SCUBE2: variants seen among roughly 807,000 people sequenced by gnomAD.
The protein encoded by SCUBE2 is signal peptide, CUB and EGF-like domain-containing protein 2.
In SCUBE2, 114 loss-of-function variants were observed where a neutral mutation model predicts 125.9. That is an observed-to-expected ratio of 0.91 (90% CI 0.78 to 1.06). The LOEUF (loss-of-function observed/expected upper bound fraction) is 1.06. SCUBE2 is among the 50% of genes least tolerant of loss of function. SCUBE2 has a pLI of 0.00. For missense variants in SCUBE2, 1,255 were observed against 1,301.8 expected, an observed-to-expected ratio of 0.96 and a Z score of 0.55; for synonymous variants, 459 against 492.9, an observed-to-expected ratio of 0.93 and a Z score of 0.91.
chr11:9,025,130 C>T (rs1263661747), intron 21 of SCUBE2, among the ~76,000 whole-genome samples: 1 of 152,204 alleles, frequency 6.6e-6, no homozygotes, highest in African/African-American at 2.4e-5. Context: ...TGGGCCACCT[C>T]TTCATCTAAC....
intron 20 of SCUBE2, 44 bp downstream of exon 20, chr11:9,027,320 C>T: frequency 6.3e-7 from 1 of 1,597,304 alleles, no homozygotes; most frequent in Non-Finnish European, 8.6e-7. Context: ...GGTCATCAGG[C>T]TTCCCAGCTG....
chr11:9,083,422 T>A (rs573672666), intron 2 of SCUBE2, among the ~76,000 whole-genome samples: 1 of 152,242 alleles, frequency 6.6e-6, no homozygotes, highest in East Asian at 1.9e-4. Context: ...CACAGGGTTA[T>A]GGACTTATAA....
At chr11:9,024,273 G>A in intron 21 of SCUBE2, 2 of 1,082,680 alleles carry the variant, frequency 1.8e-6, no homozygotes, top group Non-Finnish European at 2.3e-6. Flanking sequence ...TTCCAGATAG[G>A]AGAGGTTGCC....
intron 21 of SCUBE2, 172 bp from the exon 22 acceptor site, chr11:9,022,127 CCT>C: frequency 6.9e-6 from 4 of 576,384 alleles, no homozygotes; most frequent in Non-Finnish European, 1.3e-5. Flanking sequence ...CCCACCACCA[CCT>C]CTCTTCACCT....
intron 9 of SCUBE2, among the ~76,000 whole-genome samples, chr11:9,056,701 C>T (rs1859121050): frequency 6.6e-6 from 1 of 152,176 alleles, no homozygotes; most frequent in Non-Finnish European, 1.5e-5. Flanking sequence ...GGGTCTGGCC[C>T]TCAACCTCTT....
At chr11:9,086,384 G>T (rs1306823931) in intron 2 of SCUBE2, among the ~76,000 whole-genome samples, 2 of 152,174 alleles carry the variant, frequency 1.3e-5, no homozygotes, top group Non-Finnish European at 2.9e-5. Flanking sequence ...CAACCCAAAT[G>T]ATACCATAGG....
intron 7 of SCUBE2, among the ~76,000 whole-genome samples, chr11:9,062,946 A>C (rs979744524): frequency 2.6e-5 from 4 of 152,130 alleles, no homozygotes; most frequent in Non-Finnish European, 5.9e-5. Flanking sequence ...GGAGTGAAGA[A>C]ATTTATCAAA....
Position 9,047,927 on chromosome 11 carries a change from C to T in SCUBE2, c.1795+16G>A. The T allele has an allele frequency of 6.3e-7, 1 of 1,597,618 alleles. No individual in the cohort carries two copies. The highest frequency in any genetic ancestry group is 1.1e-5 in the South Asian group (1 of 89,474). ...GCCGTGAGAAGCCTGGCAATGCAGA[C>T]TGTTTTCAAACCAACCTGTCACCTC... On this transcript the variant is annotated intron_variant, in intron 15 of 22. Coordinates refer to ENST00000649792, the MANE Select transcript of SCUBE2 (RefSeq NM_001367977.2).
rs921291453 is a variant in SCUBE2, at chr11:9,058,011, C to T, written c.1090+1292G>A. Among the ~76,000 whole-genome samples the T allele has an allele frequency of 1.4e-3, 212 of 152,308 alleles. 1 individual carries two copies. The highest frequency in any genetic ancestry group is 3.1e-4 in the Non-Finnish European group (21 of 68,034). On this transcript the variant is annotated intron_variant, in intron 9 of 22. Coordinates refer to ENST00000649792, the MANE Select transcript of SCUBE2 (RefSeq NM_001367977.2). ...CTGCTAATACTAACAACAACTGCTA[C>T]CTAGAGAAGTCTCCTTGCTGCAGCC...
intron 10 of SCUBE2, among the ~76,000 whole-genome samples, chr11:9,054,304 C>G (rs1427038699): frequency 6.6e-6 from 1 of 152,046 alleles, no homozygotes; most frequent in African/African-American, 2.4e-5. Context: ...GACTCAAGCT[C>G]CATTCTTGAC....
chr11:9,029,325 C>G (rs1019880401), intron 19 of SCUBE2, among the ~76,000 whole-genome samples: 6 of 152,212 alleles, frequency 3.9e-5, no homozygotes, highest in African/African-American at 1.4e-4. Flanking sequence ...GGTCTCCTCC[C>G]AAAAGGCCTT....
Position 9,060,536 on chromosome 11 carries a change from G to A in SCUBE2, c.851-12C>T, listed in dbSNP as rs1387467164. The A allele has an allele frequency of 1.2e-6, 2 of 1,607,632 alleles. No homozygotes were observed. The highest frequency in any genetic ancestry group is 2.7e-5 in the African/African-American group (2 of 74,810). On this transcript the variant is annotated splice_polypyrimidine_tract_variant and intron_variant, in intron 7 of 22. Transcript: ENST00000649792. ...GACAGCACACGTTTCTGGCAAGGAGGTAAGAAAAGACAATTAGCTTCCCAA... is the reference window on the plus strand; with the variant it reads ...GACAGCACACGTTTCTGGCAAGGAGATAAGAAAAGACAATTAGCTTCCCAA...
intron 16 of SCUBE2, among the ~76,000 whole-genome samples, chr11:9,042,109 C>T (rs80229652): frequency 0.014 from 2,201 of 152,208 alleles, 50 homozygotes; most frequent in African/African-American, 0.049. Context: ...CCATGGACAC[C>T]TCTGCCTAGA....
intron 20 of SCUBE2, 80 bp downstream of exon 20, chr11:9,027,284 T>G (rs1024390367): frequency 7.2e-7 from 1 of 1,380,176 alleles, no homozygotes; most frequent in Admixed American, 1.8e-5. Flanking sequence ...TAGGCCTGCC[T>G]CCTCACATTG....
At position 9,030,037 on chromosome 11, in the gene SCUBE2, A is replaced by G. The variant is rs748061149; in HGVS notation, c.2350T>C (p.Ser784Pro). ...GTGGTGTTGTAGAAATGTCCAGGTG[A>G]ACATTGAACTGTGGGTCAAGGGAGG... ...FQDCETRVQC[S>P]PGHFYNTTTH... Residue 784 changes from serine to proline, a missense_variant, in exon 19 of 23, where the codon TCA becomes CCA. Physicochemically the swap from Ser to Pro is moderately conservative, Grantham distance 74. Around this residue, in one of 3 missense-constraint regions of SCUBE2, gnomAD observed 515 missense variants for 515.7 expected, o/e 1.00. Coordinates refer to ENST00000649792, the MANE Select transcript of SCUBE2 (RefSeq NM_001367977.2). 1.9e-6 allele frequency: 3 copies of G among 1,613,764 alleles called. No homozygotes were observed. The South Asian group carries it at 3.3e-5, about 18-fold the overall frequency.
intron 10 of SCUBE2, 133 bp downstream of exon 10, chr11:9,055,660 C>T (rs1157057609): frequency 7.1e-6 from 5 of 702,620 alleles, no homozygotes; most frequent in Non-Finnish European, 1.3e-5. Flanking sequence ...TTGATGGACT[C>T]ACCGCTATTG....
At position 9,033,806 on chromosome 11, in the gene SCUBE2, A is replaced by G; in HGVS notation, c.2003-10T>C. 2 of 1,613,806 alleles carry G rather than the reference A, an allele frequency of 1.2e-6. No homozygotes were observed. Among genetic ancestry groups the G allele is most frequent in the East Asian group, 2.2e-5 (1 of 44,872 alleles). On this transcript the variant is annotated splice_polypyrimidine_tract_variant and intron_variant, in intron 16 of 22. Transcript: ENST00000649792. ...CCAGCCCTGCAACTGACTAGCCAAA[A>G]GGGAAACAACCTGGTCAGTGTGGAC... is the stretch of plus-strand genomic sequence containing the variant.
Position 9,050,620 on chromosome 11 carries a change from C to T in SCUBE2, c.1625G>A (p.Arg542Gln), listed in dbSNP as rs908441787. 4 of 1,613,686 alleles carry T rather than the reference C, an allele frequency of 2.5e-6. No individual in the cohort carries two copies. The highest frequency in any genetic ancestry group is 2.2e-5 in the East Asian group (1 of 44,882). The change falls in exon 14 of 23, where the codon CGA becomes CAA. Residue 542 changes from arginine to glutamine, a missense_variant. Arg to Gln is a conservative substitution (Grantham distance 43). This residue lies in a region of SCUBE2 where 378 missense variants were observed against 463.1 expected (regional missense o/e 0.82). Coordinates refer to ENST00000649792, the MANE Select transcript of SCUBE2 (RefSeq NM_001367977.2). Reference sequence around the variant, plus strand: ...TGATTCCATACCTGGTAGTGCTGGTCGCAGACCCTCGGGAAACAGCTCAGC... The same window carrying T: ...TGATTCCATACCTGGTAGTGCTGGTTGCAGACCCTCGGGAAACAGCTCAGC... ...KNAELFPEGL[R>Q]PALPEKHSSV...
chr11:9,036,251 ATTAT>A (rs1490948845), intron 16 of SCUBE2, among the ~76,000 whole-genome samples: 1 of 152,240 alleles, frequency 6.6e-6, no homozygotes, highest in African/African-American at 2.4e-5. Flanking sequence ...GGCAAACAAT[ATTAT>A]AATGAGACTG....
Sources: allele counts gnomAD v4.1 joint callset (sites outside exome capture counted in the v4.1 genomes callset), GRCh38; gene constraint gnomAD v4.1.1; regional missense constraint gnomAD v4.1.1; transcripts MANE v1.5; gene names NCBI Gene and HGNC (gene_info 2026-07-23, HGNC 2026-07-21).